RAB5C: variants seen among roughly 807,000 people sequenced by gnomAD.
The protein encoded by RAB5C is RAB5C, member RAS oncogene family, also known as ras-related protein Rab-5C.
Under a neutral mutation model 25.2 loss-of-function variants are expected in RAB5C, and 4 were observed. The ratio of observed to expected loss-of-function variants is 0.16; its 90% CI spans 0.08 to 0.36. RAB5C has a LOEUF of 0.36. Ranked by LOEUF, RAB5C falls within the 10% of genes least tolerant of loss-of-function variation. The pLI, the probability that RAB5C is intolerant of heterozygous loss-of-function variation, is 1.00. For synonymous variants in RAB5C, 100 were observed against 106.4 expected, an observed-to-expected ratio of 0.94 and a Z score of 0.37; for missense variants, 199 against 283.8, an observed-to-expected ratio of 0.70 and a Z score of 2.15.
At chr17:42,149,427 CA>C (rs2079656189) in intron 1 of RAB5C, among the ~76,000 whole-genome samples, 1 of 152,024 alleles carries the variant, frequency 6.6e-6, no homozygotes, top group Admixed American at 6.5e-5. Context: ...ACTAAAAATA[CA>C]AAAACTAGCC....
At chr17:42,151,877 C>T (rs1317046339) in intron 1 of RAB5C, among the ~76,000 whole-genome samples, 11 of 152,062 alleles carry the variant, frequency 7.2e-5, no homozygotes, top group African/African-American at 2.2e-4. Flanking sequence ...AACAGAGGAG[C>T]GCTAGTGATG....
At chr17:42,143,044 TG>T (rs2079612001) in intron 1 of RAB5C, among the ~76,000 whole-genome samples, 1 of 152,206 alleles carries the variant, frequency 6.6e-6, no homozygotes, top group Non-Finnish European at 1.5e-5. Context: ...GACCATTTTT[TG>T]GATCAGTCAT....
Position 42,140,525 on chromosome 17 carries a change from T to A in RAB5C, c.-88-9935A>T, listed in dbSNP as rs1336254171. 5.9e-3 allele frequency among the ~76,000 whole-genome samples: 348 copies of A among 59,098 alleles called. 3 individuals carry two copies. Among genetic ancestry groups the A allele is most frequent in the African/African-American group, 0.057 (329 of 5,820 alleles). 38.8% of individuals were successfully genotyped at this position (59,098 alleles called of 152,430 possible). On this transcript the variant is annotated intron_variant, in intron 1 of 5. Transcript: ENST00000346213. ...TATATATATATATATATTTTTTTTT[T>A]TTTTTTTTTTTTTTTTGAGATGGAG...
intron 1 of RAB5C, among the ~76,000 whole-genome samples, chr17:42,138,492 C>T (rs1202174684): frequency 6.6e-6 from 1 of 152,210 alleles, no homozygotes; most frequent in Non-Finnish European, 1.5e-5. Context: ...TTTCCACAGC[C>T]ACAGGAAGAT....
intron 1 of RAB5C, among the ~76,000 whole-genome samples, chr17:42,135,228 A>G (rs1278616591): frequency 6.6e-6 from 1 of 151,294 alleles, no homozygotes; most frequent in Non-Finnish European, 1.5e-5. Context: ...AACCTCCAAA[A>G]GTGCTGGGAT....
rs573917612 is a variant in RAB5C, at chr17:42,128,564, G to A, written c.318+85C>T. 9.9e-5 allele frequency: 135 copies of A among 1,359,370 alleles called. No individual in the cohort carries two copies. The African/African-American group carries it at 1.9e-3, about 19-fold the overall frequency. The allele number at this position is 1,359,370 out of a possible 1,614,324, so 84.2% of individuals were successfully genotyped here. On this transcript the variant is annotated intron_variant, in intron 3 of 5. Transcript: ENST00000346213. Reference sequence around the variant, plus strand: ...CCCACCCAGGAACAGAGGGTTAAGCGGCCTGAAATCAGGGCTCTGATAACC... The same window carrying A: ...CCCACCCAGGAACAGAGGGTTAAGCAGCCTGAAATCAGGGCTCTGATAACC...
chr17:42,151,395 C>T (rs1598260357), intron 1 of RAB5C, among the ~76,000 whole-genome samples: 1 of 151,886 alleles, frequency 6.6e-6, no homozygotes, highest in Non-Finnish European at 1.5e-5. Context: ...CAAGATCGCA[C>T]CACTGCACTC....
At chr17:42,128,127 G>T in intron 4 of RAB5C, 134 bp downstream of exon 4, 1 of 1,306,654 alleles carries the variant, frequency 7.7e-7, no homozygotes, top group Non-Finnish European at 1.0e-6. Flanking sequence ...CATGCCTGAG[G>T]CACGAGAGGA....
chr17:42,143,146 AG>A (rs2079612598), intron 1 of RAB5C, among the ~76,000 whole-genome samples: 1 of 152,202 alleles, frequency 6.6e-6, no homozygotes, highest in South Asian at 2.1e-4. Context: ...GTTGATTCTC[AG>A]GGGGTAGATT....
chr17:42,142,634 G>A (rs1242777210), intron 1 of RAB5C, among the ~76,000 whole-genome samples: 1 of 152,196 alleles, frequency 6.6e-6, no homozygotes, highest in Non-Finnish European at 1.5e-5. Flanking sequence ...GCCACCTGAA[G>A]GGGACATACA....
chr17:42,125,928 T>TG (rs768573587), intron 5 of RAB5C, 30 bp from the exon 6 acceptor site: 32 of 1,524,878 alleles, frequency 2.1e-5, no homozygotes, highest in Non-Finnish European at 2.8e-5. Context: ...GTGCATTTGT[T>TG]GGGGGTACCC....
intron 3 of RAB5C, 47 bp downstream of exon 3, chr17:42,128,602 C>A: frequency 7.0e-7 from 1 of 1,429,932 alleles, no homozygotes; most frequent in South Asian, 1.7e-5. Context: ...ATCCCTGGGA[C>A]TTTGAGAAGA....
chr17:42,127,308 T>C (rs2054436072), intron 4 of RAB5C, among the ~76,000 whole-genome samples: 1 of 152,216 alleles, frequency 6.6e-6, no homozygotes, highest in African/African-American at 2.4e-5. Flanking sequence ...AACACGTGCA[T>C]ATTTCTGGAA....
intron 4 of RAB5C, 100 bp downstream of exon 4, chr17:42,128,161 G>A: frequency 6.8e-7 from 1 of 1,479,804 alleles, no homozygotes; most frequent in Non-Finnish European, 9.0e-7. Context: ...CTTCCCTGTT[G>A]CCTCCTAGCA....
At chr17:42,143,667 TAACCAAA>T (rs1225590116) in intron 1 of RAB5C, among the ~76,000 whole-genome samples, 1 of 151,990 alleles carries the variant, frequency 6.6e-6, no homozygotes, top group Non-Finnish European at 1.5e-5. Flanking sequence ...TGTAAAGAAG[TAACCAAA>T]AACCAAAAAC....
At chr17:42,149,213 C>G (rs917881380) in intron 1 of RAB5C, among the ~76,000 whole-genome samples, 1 of 152,126 alleles carries the variant, frequency 6.6e-6, no homozygotes, top group African/African-American at 2.4e-5. Context: ...ACATATGTAC[C>G]CTTCACTCAA....
chr17:42,126,305 G>C (rs1028360223), intron 5 of RAB5C, among the ~76,000 whole-genome samples: 1 of 152,110 alleles, frequency 6.6e-6, no homozygotes, highest in East Asian at 1.9e-4. Flanking sequence ...TGGGAGTCAG[G>C]TGATGATGAA....
intron 1 of RAB5C, among the ~76,000 whole-genome samples, chr17:42,131,324 C>T (rs2054483300): frequency 6.6e-6 from 1 of 152,036 alleles, no homozygotes; most frequent in Non-Finnish European, 1.5e-5. Context: ...CAAAGTCTCG[C>T]ACCCATTAAA....
At chr17:42,128,206 A>G in intron 4 of RAB5C, 55 bp downstream of exon 4, 1 of 1,575,444 alleles carries the variant, frequency 6.3e-7, no homozygotes, top group Non-Finnish European at 8.6e-7. Context: ...ATCCCAGGCG[A>G]GGCCGGGGGG....
Sources: allele counts gnomAD v4.1 joint callset (sites outside exome capture counted in the v4.1 genomes callset), GRCh38; gene constraint gnomAD v4.1.1; transcripts MANE v1.5; gene names NCBI Gene and HGNC (gene_info 2026-07-23, HGNC 2026-07-21).